ADAMTS16: variants seen among roughly 807,000 people sequenced by gnomAD.
ADAMTS16 encodes ADAM metallopeptidase with thrombospondin type 1 motif 16.
In ADAMTS16, 94 loss-of-function variants were observed where a neutral mutation model predicts 145.8. That is an observed-to-expected ratio of 0.64 (90% CI 0.55 to 0.77). The LOEUF is 0.77. Ranked by LOEUF, ADAMTS16 falls within the 30% of genes least tolerant of loss-of-function variation. The pLI, the probability that ADAMTS16 is intolerant of heterozygous loss-of-function variation, is 0.00. For synonymous variants in ADAMTS16, 659 were observed against 604.3 expected (o/e 1.09, Z -1.33); for missense variants, 1,585 against 1,591.5 (o/e 1.00, Z 0.07).
In ADAMTS16 at chr5:5,146,141, G is replaced by A. The variant is rs1463591417; in HGVS notation, c.187G>A (p.Val63Ile). 1.2e-6 allele frequency: 2 copies of A among 1,613,418 alleles called. No homozygotes were observed. The highest frequency in any genetic ancestry group is 2.7e-5 in the African/African-American group (2 of 74,896). Reference protein sequence around the residue: ...GWMEKGEYDLVSAYEVDHRGD... With the variant: ...GWMEKGEYDLISAYEVDHRGD... ...TCTTTTGATTTCAGAATATGACCTG[G>A]TCTCTGCCTACGAGGTTGACCACAG... The change falls in exon 3 of 23, where the codon GTC becomes ATC. Residue 63 changes from valine to isoleucine, a missense_variant. Val to Ile is a conservative substitution (Grantham distance 29). This residue lies in a region of ADAMTS16 where 453 missense variants were observed against 412.1 expected (regional missense o/e 1.10). Transcript: ENST00000274181.
At chr5:5,275,478 C>CT (rs1186500797) in intron 18 of ADAMTS16, among the ~76,000 whole-genome samples, 1 of 151,840 alleles carries the variant, frequency 6.6e-6, no homozygotes, top group Non-Finnish European at 1.5e-5. Context: ...CTGTTATGTT[C>CT]TTATGTTTGT....
At chr5:5,318,314 G>A (rs200279933) in intron 22 of ADAMTS16, 33 bp downstream of exon 22, 271 of 1,386,092 alleles carry the variant, frequency 2.0e-4, no homozygotes, top group Non-Finnish European at 2.4e-4. Context: ...CATGACCTGG[G>A]CATGGGGCTG....
intron 17 of ADAMTS16, among the ~76,000 whole-genome samples, chr5:5,261,187 G>C (rs1738002715): frequency 6.6e-6 from 1 of 152,320 alleles, no homozygotes; most frequent in South Asian, 2.1e-4. Flanking sequence ...CATACAGGCT[G>C]GAGTGCAGTG....
At chr5:5,296,174 A>G (rs1739521766) in intron 18 of ADAMTS16, among the ~76,000 whole-genome samples, 1 of 152,196 alleles carries the variant, frequency 6.6e-6, no homozygotes, top group South Asian at 2.1e-4. Context: ...TTTGAGAAGG[A>G]ACTCAAGCTT....
chr5:5,140,441 G>C lies in ADAMTS16; in HGVS notation c.-27G>C. The stretch of plus-strand genomic sequence containing the variant: ...GCTGCCGGCCGGGGACCCTCCGGTG[G>C]CCCCTAGCCCCTCGGAGCGCTCCTG... On this transcript the variant is annotated 5_prime_UTR_variant, in exon 1 of 23. Transcript: ENST00000274181. 6.7e-7 allele frequency: 1 copy of C among 1,492,628 alleles called. No individual in the cohort carries two copies. The highest frequency in any genetic ancestry group is 8.9e-7 in the Non-Finnish European group (1 of 1,129,092). 92.5% of individuals were successfully genotyped at this position (1,492,628 alleles called of 1,614,324 possible). A position where few individuals can be genotyped will look rare whatever the true frequency, so the allele number is the denominator to read the frequency against.
chr5:5,156,738 G>A (rs1307240405), intron 3 of ADAMTS16, among the ~76,000 whole-genome samples: 1 of 152,106 alleles, frequency 6.6e-6, no homozygotes, highest in East Asian at 1.9e-4. Flanking sequence ...AGCACTCAGG[G>A]GCTTGTGTGT....
At chr5:5,176,316 G>A (rs2126550731) in intron 3 of ADAMTS16, 1 of 152,320 alleles carries the variant, frequency 6.6e-6, no homozygotes, top group East Asian at 1.9e-4. Flanking sequence ...TGGGTAAGAA[G>A]TATTTACCCC....
chr5:5,195,537 A>C (rs1735778479), intron 8 of ADAMTS16, among the ~76,000 whole-genome samples: 1 of 152,202 alleles, frequency 6.6e-6, no homozygotes, highest in African/African-American at 2.4e-5. Flanking sequence ...ACAATAGAGC[A>C]CTATATGCTC....
intron 20 of ADAMTS16, among the ~76,000 whole-genome samples, chr5:5,305,333 C>T (rs1740066793): frequency 2.0e-5 from 1 of 49,240 alleles, no homozygotes; most frequent in South Asian, 8.9e-4. Flanking sequence ...CACATCCACA[C>T]CACACACACA....
rs369804339 is a variant in ADAMTS16, at chr5:5,303,659, G to A, written c.3079G>A (p.Asp1027Asn). ...NPSARAQLLP[D>N]AVCTSEPKPR... ...CTCGGCCAGAGCGCAGCTGCTGCCCGACGCTGTCTGCACCTCCGAGCCCAA... is the reference window on the plus strand; with the variant it reads ...CTCGGCCAGAGCGCAGCTGCTGCCCAACGCTGTCTGCACCTCCGAGCCCAA... The change falls in exon 20 of 23, where the codon GAC (aspartate) becomes AAC (asparagine). Residue 1027 changes from aspartate to asparagine, a missense_variant. Physicochemically the swap from Asp to Asn is conservative, Grantham distance 23. This residue lies in a region of ADAMTS16 where 834 missense variants were observed against 811.7 expected (regional missense o/e 1.03). Transcript: ENST00000274181. 16 of 1,613,850 alleles carry A rather than the reference G, an allele frequency of 9.9e-6. 1 individual carries two copies. Among genetic ancestry groups the A allele is most frequent in the South Asian group, 7.7e-5 (7 of 91,086 alleles).
At chr5:5,300,493 A>G (rs542738962) in intron 18 of ADAMTS16, among the ~76,000 whole-genome samples, 1 of 152,352 alleles carries the variant, frequency 6.6e-6, no homozygotes, top group East Asian at 1.9e-4. Context: ...TTTTATGTGT[A>G]CACAAATTTA....
At chr5:5,186,879 G>A (rs1303553285) in intron 5 of ADAMTS16, among the ~76,000 whole-genome samples, 1 of 152,162 alleles carries the variant, frequency 6.6e-6, no homozygotes, top group Non-Finnish European at 1.5e-5. Flanking sequence ...TAGTTTTAAT[G>A]ACAATATTTT....
intron 4 of ADAMTS16, among the ~76,000 whole-genome samples, chr5:5,185,267 C>T (rs1314042802): frequency 1.3e-5 from 2 of 152,192 alleles, no homozygotes; most frequent in African/African-American, 4.8e-5. Flanking sequence ...TCCGTGAATA[C>T]AGTCTGCATA....
intron 8 of ADAMTS16, among the ~76,000 whole-genome samples, chr5:5,192,766 A>G (rs549818362): frequency 6.6e-5 from 10 of 152,274 alleles, no homozygotes; most frequent in African/African-American, 2.2e-4. Context: ...TATTTGTGGA[A>G]ACTATTATTC....
At chr5:5,296,011 G>C (rs1370113407) in intron 18 of ADAMTS16, among the ~76,000 whole-genome samples, 5 of 152,232 alleles carry the variant, frequency 3.3e-5, no homozygotes, top group Non-Finnish European at 4.4e-5. Context: ...CTTAAGCTGA[G>C]TTGTTTAGGA....
rs1737128018 is a variant in ADAMTS16 at position 5,237,008 on chromosome 5, T to C, written c.2063T>C (p.Phe688Ser). ...AAACTCTACTGTATCGCAGAAGGAT[T>C]TGATTTCTTCTTTTCTTTGTCAAAT... is the stretch of plus-strand genomic sequence containing the variant. Reference protein sequence around the residue: ...LCKLYCIAEGFDFFFSLSNKV... With the variant: ...LCKLYCIAEGSDFFFSLSNKV... Residue 688 changes from phenylalanine (F) to serine (S), a missense_variant, in exon 14 of 23, where the codon TTT (phenylalanine) becomes TCT (serine). Physicochemically the swap from Phe to Ser is radical, Grantham distance 155. This residue lies in a region of ADAMTS16 where 834 missense variants were observed against 811.7 expected (regional missense o/e 1.03). Transcript: ENST00000274181. The C allele has an allele frequency of 6.2e-7, 1 of 1,613,936 alleles. No homozygotes were observed.
At chr5:5,160,172 A>G (rs1246360962) in intron 3 of ADAMTS16, among the ~76,000 whole-genome samples, 1 of 152,242 alleles carries the variant, frequency 6.6e-6, no homozygotes, top group Non-Finnish European at 1.5e-5. Context: ...TAGGCAGACC[A>G]TAAGTAAAAG....
At chr5:5,316,822 A>C (rs1290302245) in intron 21 of ADAMTS16, among the ~76,000 whole-genome samples, 1 of 152,186 alleles carries the variant, frequency 6.6e-6, no homozygotes, top group Non-Finnish European at 1.5e-5. Flanking sequence ...GACCACCAGA[A>C]AGGGTGGCTT....
chr5:5,209,050 C>T (rs1736204819), intron 9 of ADAMTS16, 43 bp from the exon 10 acceptor site: 2 of 1,588,956 alleles, frequency 1.3e-6, no homozygotes, highest in Non-Finnish European at 1.7e-6. Context: ...CCTTTGGTTA[C>T]TCTACGGGCA....
Sources: allele counts gnomAD v4.1 joint callset (sites outside exome capture counted in the v4.1 genomes callset), GRCh38; gene constraint gnomAD v4.1.1; regional missense constraint gnomAD v4.1.1; transcripts MANE v1.5; gene names NCBI Gene and HGNC (gene_info 2026-07-23, HGNC 2026-07-21).